PRICKLE2: variants seen among roughly 807,000 people sequenced by gnomAD.
The protein encoded by PRICKLE2 is prickle-like protein 2.
A neutral mutation model predicts 81.4 loss-of-function variants in PRICKLE2; 21 were observed. The observed-to-expected ratio is 0.26, with a 90% CI of 0.18 to 0.37. The LOEUF is 0.37. PRICKLE2 is among the 10% of genes least tolerant of loss of function. The pLI, the probability that PRICKLE2 is intolerant of heterozygous loss-of-function variation, is 1.00. For missense variants in PRICKLE2, 940 were observed against 1,109.0 expected, an observed-to-expected ratio of 0.85 and a Z score of 2.16; for synonymous variants, 456 against 421.5, an observed-to-expected ratio of 1.08 and a Z score of -1.00.
intron 7 of PRICKLE2, among the ~76,000 whole-genome samples, chr3:64,115,822 G>A (rs1039006757): frequency 1.3e-5 from 2 of 152,112 alleles, no homozygotes; most frequent in African/African-American, 4.8e-5. Context: ...TTCAGGACCT[G>A]AACTCCGCTC....
rs769744564 is a variant in PRICKLE2, at chr3:64,244,856, C to T, written c.129-45889G>A. 7.9e-5 allele frequency among the ~76,000 whole-genome samples: 12 copies of T among 152,082 alleles called. No individual in the cohort carries two copies. In the South Asian group the frequency reaches 8.3e-4, roughly 11 times the overall value. Reference sequence around the variant, plus strand: ...GTAATACACAGGTATGATTCTACTGCGGTTGTGGGTAGACCAATGGTTCTC... The same window carrying T: ...GTAATACACAGGTATGATTCTACTGTGGTTGTGGGTAGACCAATGGTTCTC... On this transcript the variant is annotated intron_variant, in intron 2 of 8. Coordinates refer to the PRICKLE2 transcript ENST00000295902.
intron 1 of PRICKLE2, chr3:64,199,842 G>A (rs2078538222): frequency 6.6e-6 from 1 of 152,118 alleles, no homozygotes; most frequent in Admixed American, 6.6e-5. Context: ...AATAGAGGAG[G>A]AAAATTTTAA....
At chr3:64,241,540 T>C (rs1317968925) in intron 2 of PRICKLE2, among the ~76,000 whole-genome samples, 1 of 152,254 alleles carries the variant, frequency 6.6e-6, no homozygotes, top group Non-Finnish European at 1.5e-5. Context: ...CAGTATTTTA[T>C]ACTATATGAA....
chr3:64,166,114 G>C (rs67740314), intron 2 of PRICKLE2, among the ~76,000 whole-genome samples: 17,942 of 151,828 alleles, frequency 0.12, 1,275 homozygotes, highest in East Asian at 0.21. Context: ...CCAAGTTTCT[G>C]TTCTCTCTGA....
rs749983619 is a variant in PRICKLE2 at position 64,147,386 on chromosome 3, G to A, written c.1104C>T (p.Asp368=). The A allele has an allele frequency of 1.5e-4, 249 of 1,614,246 alleles. No homozygotes were observed. Among genetic ancestry groups the A allele is most frequent in the Non-Finnish European group, 1.9e-4 (226 of 1,180,054 alleles). Residue 368 remains aspartate (D), a synonymous_variant, in exon 7 of 8, where the codon GAC becomes GAT. Coordinates refer to ENST00000638394, the MANE Select transcript of PRICKLE2 (RefSeq NM_198859.4). The surrounding 1 kb of genome is among the most constrained non-coding windows in gnomAD (Gnocchi z 5.0). ...LQVSSNRLSA[D]VDPLSLQMDM... is the part of the protein sequence containing the mutation. ...CCATCTGCAGTGACAGGGGGTCTAC[G>A]TCGGCTGACAGCCGGTTAGAACTCA...
intron 1 of PRICKLE2, among the ~76,000 whole-genome samples, chr3:64,224,080 T>A (rs1489718853): frequency 6.6e-6 from 1 of 152,202 alleles, no homozygotes; most frequent in Non-Finnish European, 1.5e-5. Context: ...ATAATCTATG[T>A]GCCTAAGTTA....
At chr3:64,169,646 A>G (rs2077896870) in intron 2 of PRICKLE2, among the ~76,000 whole-genome samples, 1 of 152,176 alleles carries the variant, frequency 6.6e-6, no homozygotes, top group Non-Finnish European at 1.5e-5. Flanking sequence ...ACACAAACAC[A>G]AGGTAAAGGC....
chr3:64,143,709 G>C (rs1559536025), intron 7 of PRICKLE2, among the ~76,000 whole-genome samples: 1 of 152,298 alleles, frequency 6.6e-6, no homozygotes. Flanking sequence ...AGGGGTTAGG[G>C]GGAGGCCCAG....
chr3:64,198,835 G>C lies in PRICKLE2; in HGVS notation c.93C>G (p.Gly31=). Residue 31 remains glycine (G), a synonymous_variant, in exon 2 of 8, where the codon GGC becomes GGG. Transcript: ENST00000638394. ...QRNSTSDDDS[G]CALEEYAWVP... ...CCCAGGCATACTCTTCCAAAGCACA[G>C]CCTGAGTCATCATCTGAGGTCGAGT... The C allele has an allele frequency of 1.2e-6, 2 of 1,614,124 alleles. No homozygotes were observed. Among genetic ancestry groups the C allele is most frequent in the Non-Finnish European group, 1.7e-6 (2 of 1,180,014 alleles).
chr3:64,264,337 A>G (rs994267008), intron 2 of PRICKLE2, among the ~76,000 whole-genome samples: 3 of 152,276 alleles, frequency 2.0e-5, no homozygotes, highest in Admixed American at 6.5e-5. Context: ...GCTTCTCAAG[A>G]TAAAGTCCAG....
chr3:64,131,851 T>G (rs1323063708), intron 7 of PRICKLE2, among the ~76,000 whole-genome samples: 1 of 151,494 alleles, frequency 6.6e-6, no homozygotes, highest in Non-Finnish European at 1.5e-5. Flanking sequence ...ATCTGACTTT[T>G]TCTACTTTAA....
At position 64,163,148 on chromosome 3, in the gene PRICKLE2, A is replaced by G. The variant is rs2077762012; in HGVS notation, c.145-19T>C. ...GGTGTACCTGAAGGACAGAAAGCAT[A>G]TAGATGACTTGCCCATTACTCAAAC... On this transcript the variant is annotated intron_variant, in intron 2 of 7. Transcript: ENST00000638394. 1 of 1,427,982 alleles carries G rather than the reference A, an allele frequency of 7.0e-7. No individual in the cohort carries two copies. The highest frequency in any genetic ancestry group is 1.1e-5 in the South Asian group (1 of 87,428). The allele number at this position is 1,427,982 out of a possible 1,614,324, so 88.5% of individuals were successfully genotyped here.
chr3:64,152,792 A>C (rs537323848), intron 6 of PRICKLE2, among the ~76,000 whole-genome samples: 1 of 152,318 alleles, frequency 6.6e-6, no homozygotes, highest in South Asian at 2.1e-4. Context: ...AGCAAGGCTG[A>C]AAAGATTCTT....
At chr3:64,206,647 CT>C (rs2107129078) in intron 1 of PRICKLE2, among the ~76,000 whole-genome samples, 1 of 152,292 alleles carries the variant, frequency 6.6e-6, no homozygotes, top group South Asian at 2.1e-4. Flanking sequence ...GTTCAGGCCA[CT>C]TTCATGCACA....
At chr3:64,108,610 G>A (rs2076793860) in intron 7 of PRICKLE2, among the ~76,000 whole-genome samples, 1 of 152,098 alleles carries the variant, frequency 6.6e-6, no homozygotes, top group African/African-American at 2.4e-5. Context: ...GCCATCCCTT[G>A]GGAGCTGGTT....
At chr3:64,122,959 G>A (rs140445899) in intron 7 of PRICKLE2, among the ~76,000 whole-genome samples, 19 of 152,254 alleles carry the variant, frequency 1.2e-4, no homozygotes, top group African/African-American at 1.7e-4. Context: ...AGAGCTGTTC[G>A]CTGCTCTGTG....
intron 1 of PRICKLE2, among the ~76,000 whole-genome samples, chr3:64,204,890 T>C (rs1575664022): frequency 2.6e-5 from 4 of 152,238 alleles, no homozygotes; most frequent in East Asian, 1.9e-4. Context: ...GGGTCAGAAG[T>C]GATGCTAAGA....
intron 7 of PRICKLE2, among the ~76,000 whole-genome samples, chr3:64,119,355 A>G (rs2076990754): frequency 6.6e-6 from 1 of 152,184 alleles, no homozygotes; most frequent in Non-Finnish European, 1.5e-5. Context: ...TTTGCATGTA[A>G]CTTTGTGAAC....
At chr3:64,255,442 T>C (rs1430577495) in intron 2 of PRICKLE2, among the ~76,000 whole-genome samples, 3 of 152,146 alleles carry the variant, frequency 2.0e-5, no homozygotes, top group Non-Finnish European at 4.4e-5. Flanking sequence ...GGGAGCATCT[T>C]TGGAGGGAGC....
Sources: allele counts gnomAD v4.1 joint callset (sites outside exome capture counted in the v4.1 genomes callset), GRCh38; gene constraint gnomAD v4.1.1; non-coding constraint Gnocchi (gnomAD v3.1); transcripts MANE v1.5; gene names NCBI Gene and HGNC (gene_info 2026-07-23, HGNC 2026-07-21).